SMIM13: variants seen among roughly 807,000 people sequenced by gnomAD.
SMIM13 encodes the protein UPF0766 protein C6orf228.
Under a neutral mutation model 5.9 loss-of-function variants are expected in SMIM13, and 3 were observed. The ratio of observed to expected loss-of-function variants is 0.51; its 90% CI spans 0.23 to 1.31. SMIM13 has a LOEUF of 1.31. Ranked by LOEUF, SMIM13 falls within the 40% of genes most tolerant of loss-of-function variation. SMIM13 has a pLI of 0.18. For missense variants in SMIM13, 85 were observed against 109.9 expected, an observed-to-expected ratio of 0.77 and a Z score of 1.01; for synonymous variants, 55 against 46.0, an observed-to-expected ratio of 1.19 and a Z score of -0.79.
chr6:11,118,855 C>T (rs1245403170), intron 1 of SMIM13, among the ~76,000 whole-genome samples: 1 of 152,058 alleles, frequency 6.6e-6, no homozygotes, highest in African/African-American at 2.4e-5. Flanking sequence ...TACCACATAC[C>T]CTTTGAGAAT....
chr6:11,131,447 C>T (rs1190839360), intron 1 of SMIM13, among the ~76,000 whole-genome samples: 1 of 150,600 alleles, frequency 6.6e-6, no homozygotes, highest in Non-Finnish European at 1.5e-5. Context: ...TTCTAAAATT[C>T]CCATGGAAAT....
Position 11,116,982 on chromosome 6 carries a change from C to CTTTTTTTTTTTT in SMIM13, c.77-17405_77-17394dup, listed in dbSNP as rs68092921. ...AATAGACATTTAATGATAATTGTTTCTTTTTTTTTTTTTTTTTTTTTTTTT... is the reference window on the plus strand; with the variant it reads ...AATAGACATTTAATGATAATTGTTTCTTTTTTTTTTTTTTTTTTTTTTTTTTTTTTTTTTTTT... On this transcript the variant is annotated intron_variant, in intron 1 of 1. Coordinates refer to ENST00000416247, the MANE Select transcript of SMIM13 (RefSeq NM_001135575.2). Among the ~76,000 whole-genome samples, 15 of 46,452 alleles carry CTTTTTTTTTTTT rather than the reference C, an allele frequency of 3.2e-4. 3 individuals carry two copies. In the East Asian group the frequency reaches 3.4e-3, roughly 11 times the overall value. 30.5% of individuals were successfully genotyped at this position (46,452 alleles called of 152,430 possible). A position where few individuals can be genotyped will look rare whatever the true frequency, so the allele number is the denominator to read the frequency against.
At chr6:11,122,175 A>G (rs1758320840) in intron 1 of SMIM13, among the ~76,000 whole-genome samples, 1 of 152,212 alleles carries the variant, frequency 6.6e-6, no homozygotes, top group Admixed American at 6.5e-5. Flanking sequence ...AAAATGAATA[A>G]GCACAATCCC....
intron 1 of SMIM13, chr6:11,104,640 G>A: frequency 6.2e-7 from 1 of 1,614,218 alleles, no homozygotes; most frequent in Non-Finnish European, 8.5e-7. Flanking sequence ...CCATTCCGCT[G>A]TAGAGCTGAG....
rs942909193 is a variant in SMIM13, at chr6:11,093,838, A to G, written c.-476A>G. ...CAGCGGTAGGGGGCCTGGGGCGGAGAAGCCGCTACAGCCGCGGCCGGGCGA... is the reference window on the plus strand; with the variant it reads ...CAGCGGTAGGGGGCCTGGGGCGGAGGAGCCGCTACAGCCGCGGCCGGGCGA... On this transcript the variant is annotated 5_prime_UTR_variant, in exon 1 of 2. Coordinates refer to ENST00000416247, the MANE Select transcript of SMIM13 (RefSeq NM_001135575.2). Among the ~76,000 whole-genome samples, 16 of 152,192 alleles carry G rather than the reference A, an allele frequency of 1.1e-4. No homozygotes were observed. The highest frequency in any genetic ancestry group is 1.8e-4 in the Non-Finnish European group (12 of 68,032).
At chr6:11,103,632 G>A (rs1758032032) in intron 1 of SMIM13, 6 of 1,479,360 alleles carry the variant, frequency 4.1e-6, no homozygotes, top group Non-Finnish European at 5.4e-6. Flanking sequence ...CCAGGTCCAC[G>A]GGAGACGGGG....
intron 1 of SMIM13, among the ~76,000 whole-genome samples, chr6:11,110,938 A>G (rs1251987923): frequency 6.6e-6 from 1 of 152,234 alleles, no homozygotes; most frequent in South Asian, 2.1e-4. Flanking sequence ...CAAACCATTC[A>G]AAAGCCAGGG....
chr6:11,110,584 G>A (rs1453838403), intron 1 of SMIM13, among the ~76,000 whole-genome samples: 1 of 152,148 alleles, frequency 6.6e-6, no homozygotes, highest in Non-Finnish European at 1.5e-5. Flanking sequence ...AGGAATGGAG[G>A]AAAATTTGTA....
At chr6:11,101,897 C>T (rs1453051577) in intron 1 of SMIM13, among the ~76,000 whole-genome samples, 1 of 152,066 alleles carries the variant, frequency 6.6e-6, no homozygotes, top group African/African-American at 2.4e-5. Context: ...CGCCACCACA[C>T]CCTGCTAATT....
In SMIM13 at chr6:11,136,108, C is replaced by T. The variant is rs1758515411; in HGVS notation, c.*1506C>T. On this transcript the variant is annotated 3_prime_UTR_variant, in exon 2 of 2. Coordinates refer to ENST00000416247, the MANE Select transcript of SMIM13 (RefSeq NM_001135575.2). ...ACTTTAGGAAGAGTGGGATTAGTTA[C>T]TCCCTTTGTATAGGAGGACTTTATG... is the stretch of plus-strand genomic sequence containing the variant. 6.6e-6 allele frequency: 1 copy of T among 152,122 alleles called. No homozygotes were observed. The highest frequency in any genetic ancestry group is 1.5e-5 in the Non-Finnish European group (1 of 68,016). The allele number at this position is 152,122 out of a possible 1,614,324, so 9.4% of individuals were successfully genotyped here.
chr6:11,102,175 T>C (rs1175428026), intron 1 of SMIM13, among the ~76,000 whole-genome samples: 1 of 152,218 alleles, frequency 6.6e-6, no homozygotes, highest in Non-Finnish European at 1.5e-5. Flanking sequence ...TGCAGCTTGA[T>C]TAATGCTTAA....
intron 1 of SMIM13, among the ~76,000 whole-genome samples, chr6:11,122,309 C>T (rs1758322248): frequency 6.6e-6 from 1 of 152,202 alleles, no homozygotes; most frequent in Non-Finnish European, 1.5e-5. Flanking sequence ...TAATCACATA[C>T]CTTTAACTAG....
At chr6:11,110,347 C>G (rs1349758291) in intron 1 of SMIM13, among the ~76,000 whole-genome samples, 1 of 152,178 alleles carries the variant, frequency 6.6e-6, no homozygotes, top group Non-Finnish European at 1.5e-5. Context: ...GCATCTGCCT[C>G]CTTGGGCTGT....
chr6:11,107,003 T>A (rs1260369844), intron 1 of SMIM13, among the ~76,000 whole-genome samples: 1 of 152,210 alleles, frequency 6.6e-6, no homozygotes, highest in Non-Finnish European at 1.5e-5. Context: ...TGAGTTTGGC[T>A]AATTGCACAG....
intron 1 of SMIM13, among the ~76,000 whole-genome samples, chr6:11,124,047 A>C (rs769053035): frequency 9.9e-5 from 15 of 152,110 alleles, no homozygotes; most frequent in Non-Finnish European, 1.5e-4. Context: ...ATGTACAGTA[A>C]GTTATTGTTG....
At chr6:11,130,275 AC>A (rs1206015630) in intron 1 of SMIM13, among the ~76,000 whole-genome samples, 2,509 of 150,574 alleles carry the variant, frequency 0.017, 32 homozygotes, top group South Asian at 0.035. Flanking sequence ...AAAAACAACA[AC>A]AACAACAACA....
At chr6:11,110,653 C>T (rs1039434090) in intron 1 of SMIM13, among the ~76,000 whole-genome samples, 3 of 152,192 alleles carry the variant, frequency 2.0e-5, no homozygotes, top group East Asian at 3.8e-4. Context: ...CGAGGTAGAA[C>T]AATCCCTCTG....
In SMIM13 at chr6:11,124,248, A is replaced by G. The variant is rs1199696556; in HGVS notation, c.77-10155A>G. Among the ~76,000 whole-genome samples the G allele has an allele frequency of 3.3e-5, 5 of 152,312 alleles. No homozygotes were observed. The East Asian group carries it at 9.6e-4, about 29-fold the overall frequency. ...CTCCTACAAATAAGTGAGAACACGC[A>G]AAGTTTGTCTTTCTGTGCTTGGCTT... is the stretch of plus-strand genomic sequence containing the variant. On this transcript the variant is annotated intron_variant, in intron 1 of 1. Coordinates refer to ENST00000416247, the MANE Select transcript of SMIM13 (RefSeq NM_001135575.2).
At chr6:11,104,484 A>G (rs752839265) in intron 1 of SMIM13, 3 of 1,553,674 alleles carry the variant, frequency 1.9e-6, no homozygotes, top group Non-Finnish European at 1.7e-6. Context: ...GGAGGTTCCA[A>G]AAAATTCTGA....
Sources: allele counts gnomAD v4.1 joint callset (sites outside exome capture counted in the v4.1 genomes callset), GRCh38; gene constraint gnomAD v4.1.1; transcripts MANE v1.5; gene names NCBI Gene and HGNC (gene_info 2026-07-23, HGNC 2026-07-21).